ITGA1: variants seen among roughly 807,000 people sequenced by gnomAD.
The protein encoded by ITGA1 is integrin subunit alpha 1.
ITGA1 carries 85 observed loss-of-function variants against 145.9 expected under a neutral mutation model. The observed-to-expected ratio is 0.58, with a 90% CI of 0.49 to 0.70. The LOEUF (loss-of-function observed/expected upper bound fraction) is 0.70, where lower values mean the gene tolerates loss of function less well. Among genes scored for constraint, ITGA1 ranks in the 30% least tolerant of loss-of-function variants. The pLI, the probability that ITGA1 is intolerant of heterozygous loss-of-function variation, is 0.00. For missense variants in ITGA1, 1,351 were observed against 1,418.7 expected, an observed-to-expected ratio of 0.95 and a Z score of 0.77; for synonymous variants, 520 against 495.3, an observed-to-expected ratio of 1.05 and a Z score of -0.66.
intron 9 of ITGA1, among the ~76,000 whole-genome samples, chr5:52,897,231 G>T (rs1304403899): frequency 6.6e-6 from 1 of 152,108 alleles, no homozygotes; most frequent in Non-Finnish European, 1.5e-5. Context: ...GGCTGCTAAT[G>T]AACAAGAATT....
chr5:52,853,263 T>G (rs1442134393), intron 2 of ITGA1, among the ~76,000 whole-genome samples: 2 of 152,218 alleles, frequency 1.3e-5, no homozygotes, highest in Non-Finnish European at 2.9e-5. Flanking sequence ...CATATTGTTC[T>G]AAAGAAATCT....
intron 1 of ITGA1, among the ~76,000 whole-genome samples, chr5:52,798,643 C>T (rs1196623807): frequency 1.3e-5 from 2 of 152,086 alleles, no homozygotes; most frequent in African/African-American, 2.4e-5. Flanking sequence ...TCATTCATGC[C>T]TCTGTCTGGC....
rs77592849 is a variant in ITGA1, at chr5:52,932,339, G to A, written c.2861+203G>A. ...CCAGGTAATTCTCATGCATCCTAAT[G>A]TTTGAGAACCATTATACTAAATAAC... On this transcript the variant is annotated intron_variant, in intron 22 of 28. Coordinates refer to ENST00000282588, the MANE Select transcript of ITGA1 (RefSeq NM_181501.2). 1.5e-3 allele frequency: 789 copies of A among 514,350 alleles called. 5 individuals carry two copies. The highest frequency in any genetic ancestry group is 0.013 in the African/African-American group (675 of 51,652). The allele number at this position is 514,350 out of a possible 1,614,324, so 31.9% of individuals were successfully genotyped here.
rs777820420 is a variant in ITGA1 at position 52,937,521 on chromosome 5, C to T, written c.3078+7C>T. ...TGGATTGTCATCTTCTGAGGTAAGT[C>T]ATGTGTGCCTTGGAATTATGTCATT... On this transcript the variant is annotated splice_region_variant and intron_variant, in intron 24 of 28. Transcript: ENST00000282588. 1 of 1,503,856 alleles carries T rather than the reference C, an allele frequency of 6.6e-7. No individual in the cohort carries two copies. The highest frequency in any genetic ancestry group is 9.3e-7 in the Non-Finnish European group (1 of 1,080,454). 93.2% of individuals were successfully genotyped at this position (1,503,856 alleles called of 1,614,324 possible). A position where few individuals can be genotyped will look rare whatever the true frequency, so the allele number is the denominator to read the frequency against.
At chr5:52,850,120 A>G (rs1250986420) in intron 2 of ITGA1, among the ~76,000 whole-genome samples, 1 of 151,202 alleles carries the variant, frequency 6.6e-6, no homozygotes, top group African/African-American at 2.4e-5. Context: ...CTCCTGCCTC[A>G]GCCTCCTAGT....
chr5:52,887,959 C>T lies in ITGA1; in HGVS notation c.918C>T (p.Ser306=), dbSNP rs748956531. ...AAGATGAAAACATTCAACGGTTTTC[C>T]ATAGCTGTAAGTGTGTTGCCGGAGA... The part of the protein sequence containing the change: ...DCEDENIQRF[S]IAILGSYNRG... The change falls in exon 8 of 29, where the codon TCC becomes TCT. Residue 306 remains serine (S), a synonymous_variant. Transcript: ENST00000282588. 2.5e-6 allele frequency: 4 copies of T among 1,612,734 alleles called. No homozygotes were observed. In the African/African-American group the frequency reaches 5.3e-5, roughly 22 times the overall value.
chr5:52,831,020 G>GT (rs1409487205), intron 1 of ITGA1, among the ~76,000 whole-genome samples: 1 of 152,130 alleles, frequency 6.6e-6, no homozygotes, highest in Non-Finnish European at 1.5e-5. Flanking sequence ...ATCCTGCTAT[G>GT]TTTTTACTTT....
chr5:52,791,835 T>A (rs1249121600), intron 1 of ITGA1, among the ~76,000 whole-genome samples: 1 of 152,206 alleles, frequency 6.6e-6, no homozygotes, highest in Non-Finnish European at 1.5e-5. Context: ...AATCAAAATA[T>A]AGTATTAAGA....
chr5:52,811,144 A>T (rs1162369406), intron 1 of ITGA1, among the ~76,000 whole-genome samples: 1 of 152,210 alleles, frequency 6.6e-6, no homozygotes, highest in African/African-American at 2.4e-5. Context: ...TTGCAAGAAC[A>T]TTGCATTTGT....
intron 27 of ITGA1, 135 bp from the exon 28 acceptor site, chr5:52,947,210 G>A (rs1751147742): frequency 3.4e-6 from 2 of 580,244 alleles, no homozygotes; most frequent in Admixed American, 3.1e-5. Context: ...ATTTTCTAAT[G>A]TAAATCTAAT....
intron 1 of ITGA1, among the ~76,000 whole-genome samples, chr5:52,795,888 G>C (rs1460469023): frequency 2.0e-5 from 3 of 151,936 alleles, no homozygotes; most frequent in Non-Finnish European, 1.5e-5. Context: ...CTTATTTCAA[G>C]TTGGTAGAAT....
chr5:52,881,746 C>T (rs934494222), intron 6 of ITGA1, 127 bp from the exon 7 acceptor site: 2 of 686,616 alleles, frequency 2.9e-6, no homozygotes, highest in African/African-American at 3.6e-5. Flanking sequence ...AAAATAGAAG[C>T]ATTTGTGTAC....
intron 6 of ITGA1, among the ~76,000 whole-genome samples, chr5:52,879,719 C>G (rs1749924681): frequency 6.6e-6 from 1 of 152,006 alleles, no homozygotes; most frequent in Admixed American, 6.6e-5. Context: ...ATCTTGTTCC[C>G]AAAGGGTCTT....
rs370425021 is a variant in ITGA1 at position 52,795,917 on chromosome 5, A to G, written c.61+7503A>G. ...GTAGAATCCATCCAGGAAAGACCAT[A>G]TTTGAGGTCTGCCAATTCTTGGTCC... On this transcript the variant is annotated intron_variant, in intron 1 of 28. Coordinates refer to ENST00000282588, the MANE Select transcript of ITGA1 (RefSeq NM_181501.2). 5.9e-5 allele frequency among the ~76,000 whole-genome samples: 9 copies of G among 152,102 alleles called. No individual in the cohort carries two copies. The East Asian group carries it at 1.3e-3, about 23-fold the overall frequency.
intron 11 of ITGA1, among the ~76,000 whole-genome samples, chr5:52,900,716 G>C (rs1258730161): frequency 6.6e-6 from 1 of 152,040 alleles, no homozygotes; most frequent in Non-Finnish European, 1.5e-5. Context: ...TTCTGCCCCT[G>C]GCTATGGCTT....
At chr5:52,897,214 A>T (rs943673875) in intron 9 of ITGA1, among the ~76,000 whole-genome samples, 4 of 152,158 alleles carry the variant, frequency 2.6e-5, no homozygotes, top group Admixed American at 1.3e-4. Context: ...CCCTCTGGCG[A>T]GGACAGGGCT....
intron 8 of ITGA1, among the ~76,000 whole-genome samples, chr5:52,888,400 T>C (rs940903243): frequency 5.3e-5 from 8 of 152,168 alleles, no homozygotes; most frequent in African/African-American, 9.7e-5. Flanking sequence ...GCAGTGGCCA[T>C]TGGGCTTCCC....
Position 52,896,661 on chromosome 5 carries a change from A to G in ITGA1, c.1091-794A>G, listed in dbSNP as rs374002308. ...AAATAAATCAGTAACCCCTAGTGCA[A>G]GCAAATAAATCAACATTCCATCAAT... On this transcript the variant is annotated intron_variant, in intron 9 of 28. Coordinates refer to ENST00000282588, the MANE Select transcript of ITGA1 (RefSeq NM_181501.2). 2.1e-4 allele frequency among the ~76,000 whole-genome samples: 32 copies of G among 152,308 alleles called. No homozygotes were observed. In the Middle Eastern group the frequency reaches 0.01, roughly 49 times the overall value.
intron 1 of ITGA1, among the ~76,000 whole-genome samples, chr5:52,819,981 C>T (rs1290865339): frequency 2.0e-5 from 3 of 152,176 alleles, no homozygotes; most frequent in Non-Finnish European, 4.4e-5. Flanking sequence ...TTTCTGAGGC[C>T]TCTGTTCTGT....
Sources: gnomAD v4.1 joint callset for allele counts (sites outside exome capture counted in the v4.1 genomes callset) on GRCh38, gnomAD v4.1.1 for gene constraint, MANE v1.5 for transcripts, NCBI Gene and HGNC (gene_info 2026-07-23, HGNC 2026-07-21) for gene names.